HPGDS: variants seen among roughly 807,000 people sequenced by gnomAD.
HPGDS encodes the protein GST class-sigma.
Under a neutral mutation model 23.1 loss-of-function variants are expected in HPGDS, and 26 were observed. The observed-to-expected ratio is 1.13, with a 90% CI of 0.83 to 1.56. The LOEUF (loss-of-function observed/expected upper bound fraction) is 1.56. HPGDS is among the 40% of genes most tolerant of loss of function. The pLI, the probability that HPGDS is intolerant of heterozygous loss-of-function variation, is 0.00. For synonymous variants in HPGDS, 95 were observed against 77.9 expected (o/e 1.22, Z -1.16); for missense variants, 268 against 236.4 (o/e 1.13, Z -0.88).
chr4:94,311,785 G>C (rs1756278372), intron 3 of HPGDS, among the ~76,000 whole-genome samples: 1 of 151,146 alleles, frequency 6.6e-6, no homozygotes, highest in Non-Finnish European at 1.5e-5. Flanking sequence ...TTTTTGGTTG[G>C]TAAGCTATAA....
At chr4:94,306,915 A>C (rs1164986112) in intron 4 of HPGDS, among the ~76,000 whole-genome samples, 1 of 152,158 alleles carries the variant, frequency 6.6e-6, no homozygotes, top group African/African-American at 2.4e-5. Flanking sequence ...ACTAAAGGAC[A>C]TGGGTCCCAG....
At chr4:94,329,940 T>A (rs894576922) in intron 2 of HPGDS, among the ~76,000 whole-genome samples, 1 of 152,240 alleles carries the variant, frequency 6.6e-6, no homozygotes, top group African/African-American at 2.4e-5. Context: ...ATAACTACAG[T>A]GATCTTGGTA....
At position 94,312,188 on chromosome 4, in the gene HPGDS, A is replaced by T. The variant is rs980739076; in HGVS notation, c.227-3445T>A. On this transcript the variant is annotated intron_variant, in intron 3 of 5. Transcript: ENST00000295256. ...TTTCTTGCCTTCTGCTAGCTTTTGA[A>T]TGTGTTTGCTCTTGCTTTTCTAGTT... Among the ~76,000 whole-genome samples, 18 of 152,022 alleles carry T rather than the reference A, an allele frequency of 1.2e-4. No homozygotes were observed. In the Middle Eastern group the frequency reaches 0.01, roughly 87 times the overall value.
chr4:94,335,233 C>G (rs920852755), intron 1 of HPGDS, among the ~76,000 whole-genome samples: 6 of 152,306 alleles, frequency 3.9e-5, no homozygotes, highest in African/African-American at 1.4e-4. Flanking sequence ...CTGGGTTTTA[C>G]TGGGTTACCT....
chr4:94,323,744 G>C (rs1047316179), intron 2 of HPGDS, among the ~76,000 whole-genome samples: 2 of 152,054 alleles, frequency 1.3e-5, no homozygotes, highest in Non-Finnish European at 2.9e-5. Context: ...CTTTTAATTG[G>C]AGCATTTAGG....
chr4:94,340,311 C>CTTTTTCTTTTT (rs1560598005), intron 1 of HPGDS, among the ~76,000 whole-genome samples: 5 of 23,678 alleles, frequency 2.1e-4, no homozygotes, highest in African/African-American at 7.3e-4. Context: ...CTTTCTTTCT[C>CTTTTTCTTTTT]TTTTTTTTTT....
intron 2 of HPGDS, among the ~76,000 whole-genome samples, chr4:94,321,008 A>G (rs975505847): frequency 2.1e-4 from 32 of 152,314 alleles, no homozygotes; most frequent in African/African-American, 7.5e-4. Context: ...AGCACCATTT[A>G]TTAAATAGGG....
At chr4:94,308,115 A>T (rs1253680689) in intron 4 of HPGDS, among the ~76,000 whole-genome samples, 1 of 152,154 alleles carries the variant, frequency 6.6e-6, no homozygotes, top group Non-Finnish European at 1.5e-5. Context: ...AAATTCATTT[A>T]TGTTTCATTT....
At position 94,312,508 on chromosome 4, in the gene HPGDS, T is replaced by G. The variant is rs1315995003; in HGVS notation, c.227-3765A>C. On this transcript the variant is annotated intron_variant, in intron 3 of 5. Coordinates refer to ENST00000295256, the MANE Select transcript of HPGDS (RefSeq NM_014485.3). ...ATTGCACTGTGGTCTGAGAGACAGT[T>G]TGTTGTGATTTCTGTTCTTTTACAT... is the stretch of plus-strand genomic sequence containing the variant. Among the ~76,000 whole-genome samples the G allele has an allele frequency of 9.8e-5, 15 of 152,316 alleles. No homozygotes were observed. The East Asian group carries it at 2.9e-3, about 29-fold the overall frequency.
intron 3 of HPGDS, among the ~76,000 whole-genome samples, chr4:94,310,136 T>G (rs1041570351): frequency 2.6e-5 from 4 of 152,218 alleles, no homozygotes; most frequent in African/African-American, 7.2e-5. Flanking sequence ...TTAGTTTAAT[T>G]AGATCCCATT....
chr4:94,341,672 G>A lies in HPGDS; in HGVS notation c.-10+1123C>T, dbSNP rs551202134. Among the ~76,000 whole-genome samples the A allele has an allele frequency of 1.4e-4, 21 of 152,204 alleles. No homozygotes were observed. In the South Asian group the frequency reaches 2.1e-3, roughly 15 times the overall value. On this transcript the variant is annotated intron_variant, in intron 1 of 5. Coordinates refer to ENST00000295256, the MANE Select transcript of HPGDS (RefSeq NM_014485.3). ...AGTTTTTTACATGCTTAGTAATTGCGCAATAATCTGAGTTAGAGATATAAA... is the reference window on the plus strand; with the variant it reads ...AGTTTTTTACATGCTTAGTAATTGCACAATAATCTGAGTTAGAGATATAAA...
intron 5 of HPGDS, among the ~76,000 whole-genome samples, chr4:94,301,732 C>G (rs1756044153): frequency 6.6e-6 from 1 of 152,022 alleles, no homozygotes; most frequent in Non-Finnish European, 1.5e-5. Flanking sequence ...AATATGATTA[C>G]TGAAAATAGT....
chr4:94,302,520 T>C (rs1219511226), intron 4 of HPGDS, among the ~76,000 whole-genome samples: 1 of 152,136 alleles, frequency 6.6e-6, no homozygotes, highest in African/African-American at 2.4e-5. Context: ...ACCCACAAAA[T>C]CTTATTTTTT....
At chr4:94,340,305 CTTTCTCTTTTTTTTTTTTTTTTTTT>C (rs1721121391) in intron 1 of HPGDS, among the ~76,000 whole-genome samples, 6 of 26,228 alleles carry the variant, frequency 2.3e-4, no homozygotes, top group African/African-American at 7.3e-4. Context: ...TTCTTTCTTT[CTTTCTCTTTTTTTTTTTTTTTTTTT>C]TTTTTTTTTT....
At chr4:94,324,725 G>T (rs141358025) in intron 2 of HPGDS, among the ~76,000 whole-genome samples, 2 of 152,150 alleles carry the variant, frequency 1.3e-5, no homozygotes, top group Non-Finnish European at 2.9e-5. Context: ...GCTCAGAGAA[G>T]TTTGTTACTA....
At chr4:94,318,749 G>A (rs1221988993) in intron 2 of HPGDS, among the ~76,000 whole-genome samples, 2 of 152,102 alleles carry the variant, frequency 1.3e-5, no homozygotes, top group Admixed American at 1.3e-4. Context: ...GTCTCGGTCT[G>A]TCACTGAGGC....
chr4:94,341,977 A>G (rs1156555549), intron 1 of HPGDS, among the ~76,000 whole-genome samples: 2 of 152,208 alleles, frequency 1.3e-5, no homozygotes, highest in African/African-American at 4.8e-5. Context: ...CCCTCATTTC[A>G]CAGTGTCCCT....
intron 3 of HPGDS, among the ~76,000 whole-genome samples, chr4:94,314,543 G>C (rs983010683): frequency 1.3e-5 from 2 of 152,184 alleles, no homozygotes; most frequent in African/African-American, 2.4e-5. Flanking sequence ...GTATCAGTCT[G>C]CCCCTACTCG....
At chr4:94,317,392 CT>C (rs1372043580) in intron 3 of HPGDS, among the ~76,000 whole-genome samples, 2 of 152,154 alleles carry the variant, frequency 1.3e-5, no homozygotes, top group Non-Finnish European at 2.9e-5. Flanking sequence ...CAAGTATCCC[CT>C]TCAAGTTTCC....
Sources: allele counts gnomAD v4.1 joint callset (sites outside exome capture counted in the v4.1 genomes callset), GRCh38; gene constraint gnomAD v4.1.1; transcripts MANE v1.5; gene names NCBI Gene and HGNC (gene_info 2026-07-23, HGNC 2026-07-21).